Variants in HEG1 observed in about 807,000 individuals in gnomAD.
HEG1 encodes heart development protein with EGF like domains 1, also known as protein HEG homolog 1.
In HEG1, 56 loss-of-function variants were observed where a neutral mutation model predicts 125.6. That is an observed-to-expected ratio of 0.45 (90% confidence interval 0.36 to 0.56). HEG1 has a LOEUF of 0.56. HEG1 is among the 20% of genes least tolerant of loss of function. HEG1 has a pLI of 0.00. For missense variants in HEG1, 1,523 were observed against 1,670.0 expected (o/e 0.91, Z 1.53); for synonymous variants, 644 against 668.5 (o/e 0.96, Z 0.57).
At chr3:124,997,917 G>T in intron 11 of HEG1, 94 bp from the exon 12 acceptor site, 1 of 1,337,954 alleles carries the variant, frequency 7.5e-7, no homozygotes. Flanking sequence ...GTGTCTGCAT[G>T]AACTCTCTAT....
chr3:125,001,422 G>A (rs900869619), intron 11 of HEG1, among the ~76,000 whole-genome samples: 3 of 152,104 alleles, frequency 2.0e-5, no homozygotes, highest in Admixed American at 6.5e-5. Flanking sequence ...GGGATTACAG[G>A]TGTGAGCCAC....
chr3:125,029,127 T>G, intron 2 of HEG1, 68 bp downstream of exon 2: 1 of 1,500,452 alleles, frequency 6.7e-7, no homozygotes, highest in Non-Finnish European at 9.0e-7. Flanking sequence ...TTGTGGGGAA[T>G]GGCAGAAACT....
intron 8 of HEG1, among the ~76,000 whole-genome samples, chr3:125,007,198 CAA>C (rs1212172102): frequency 1.1e-4 from 6 of 54,706 alleles, no homozygotes; most frequent in Admixed American, 2.0e-4. Flanking sequence ...GACTCCGTCT[CAA>C]AAAAAAAAAA....
intron 12 of HEG1, among the ~76,000 whole-genome samples, chr3:124,995,303 A>G (rs1177018508): frequency 2.0e-5 from 3 of 152,082 alleles, no homozygotes; most frequent in Admixed American, 2.0e-4. Flanking sequence ...TGTCTCTAAA[A>G]AGAAAAAAAA....
chr3:125,055,543 G>A, intron 1 of HEG1, 32 bp downstream of exon 1: 1 of 1,187,096 alleles, frequency 8.4e-7, no homozygotes, highest in Admixed American at 4.5e-5. Context: ...AGCACAGACT[G>A]GCCAGGCGCC....
chr3:125,043,753 C>T (rs761602223), intron 1 of HEG1, among the ~76,000 whole-genome samples: 27 of 152,090 alleles, frequency 1.8e-4, no homozygotes, highest in African/African-American at 4.3e-4. Context: ...GTGTTGTCAC[C>T]GTCACATTTG....
At chr3:125,027,969 C>T (rs989353588) in intron 2 of HEG1, among the ~76,000 whole-genome samples, 11 of 152,196 alleles carry the variant, frequency 7.2e-5, no homozygotes, top group South Asian at 4.1e-4. Flanking sequence ...TTTACAGAAT[C>T]GAGTCCCTCC....
chr3:125,030,241 G>A (rs1224172888), intron 1 of HEG1, among the ~76,000 whole-genome samples: 3 of 152,236 alleles, frequency 2.0e-5, no homozygotes, highest in East Asian at 1.9e-4. Flanking sequence ...TACTCTTGCA[G>A]GTGGGAGCTG....
chr3:125,001,169 T>C (rs762164083), intron 11 of HEG1, among the ~76,000 whole-genome samples: 1 of 152,064 alleles, frequency 6.6e-6, no homozygotes, highest in Non-Finnish European at 1.5e-5. Context: ...ATTCTTCTGG[T>C]TTTGTTTCTG....
rs1182827351 is a variant in HEG1 at position 124,967,574 on chromosome 3, T to G, written c.*3078A>C. The G allele has an allele frequency of 1.3e-5, 2 of 151,950 alleles. No homozygotes were observed. The highest frequency in any genetic ancestry group is 2.9e-5 in the Non-Finnish European group (2 of 67,996). 9.4% of individuals were successfully genotyped at this position (151,950 alleles called of 1,614,324 possible). A position where few individuals can be genotyped will look rare whatever the true frequency, so the allele number is the denominator to read the frequency against. On this transcript the variant is annotated 3_prime_UTR_variant, in exon 17 of 17. Transcript: ENST00000311127. ...AAAGCCCTTTCTCTCTTGCCCTCTT[T>G]GATATTTAAGGTATACAGGATGGTG...
chr3:125,008,906 C>A (rs750963142), intron 8 of HEG1, among the ~76,000 whole-genome samples: 5 of 152,258 alleles, frequency 3.3e-5, no homozygotes, highest in Non-Finnish European at 7.3e-5. Flanking sequence ...GGGTCACACC[C>A]TGCAAGCAAG....
Position 125,013,278 on chromosome 3 carries a change from C to T in HEG1, c.2301G>A (p.Met767Ile). 1 of 1,613,950 alleles carries T rather than the reference C, an allele frequency of 6.2e-7. No individual in the cohort carries two copies. ...CAGTTTGACTACTATGGAGCATTGT[C>T]ATGAATGATGTCATTGTTGATGTCT... ...SFQTSTMTSF[M>I]TMLHSSQTAD... is the part of the protein sequence containing the mutation. The change falls in exon 6 of 17, where the codon ATG becomes ATA. Residue 767 changes from methionine to isoleucine, a missense_variant. By Grantham distance (10) the Met-to-Ile change is conservative (BLOSUM62 1). Transcript: ENST00000311127.
chr3:125,015,857 C>A (rs921104526), intron 5 of HEG1, among the ~76,000 whole-genome samples: 7 of 152,134 alleles, frequency 4.6e-5, no homozygotes, highest in Non-Finnish European at 8.8e-5. Context: ...CCAGCCCAGA[C>A]TGGCTGTCAG....
chr3:124,988,264 T>C (rs528998374), intron 14 of HEG1, among the ~76,000 whole-genome samples: 1 of 152,078 alleles, frequency 6.6e-6, no homozygotes, highest in South Asian at 2.1e-4. Context: ...ATAAAGACCC[T>C]GAGCCCAGCT....
chr3:125,050,917 G>T (rs1937791870), intron 1 of HEG1, among the ~76,000 whole-genome samples: 1 of 152,236 alleles, frequency 6.6e-6, no homozygotes, highest in South Asian at 2.1e-4. Flanking sequence ...GTAGAAGAGA[G>T]CATAGATGTT....
chr3:125,029,014 G>T (rs953811997), intron 2 of HEG1, among the ~76,000 whole-genome samples, 181 bp downstream of exon 2: 3 of 152,212 alleles, frequency 2.0e-5, no homozygotes, highest in African/African-American at 7.2e-5. Context: ...CTGCACCCTT[G>T]TCTGGTCTGT....
rs754442881 is a variant in HEG1 at position 125,013,128 on chromosome 3, T to G, written c.2451A>C (p.Pro817=). 4.3e-6 allele frequency: 7 copies of G among 1,613,990 alleles called. No individual in the cohort carries two copies. In the Admixed American group the frequency reaches 6.7e-5, roughly 15 times the overall value. ...KAVTTNSPLP[P]SLTESSTEQT... is the part of the protein sequence containing the mutation. The stretch of plus-strand genomic sequence containing the variant: ...GCTCTGTGGAGGACTCTGTTAAGGA[T>G]GGAGGCAAAGGAGAGTTTGTTGTTA... Residue 817 remains proline (P), a synonymous_variant, in exon 6 of 17, where the codon CCA becomes CCC. Transcript: ENST00000311127.
chr3:124,978,408 A>C (rs1429454662), intron 14 of HEG1, among the ~76,000 whole-genome samples: 1 of 152,050 alleles, frequency 6.6e-6, no homozygotes, highest in Non-Finnish European at 1.5e-5. Flanking sequence ...CGGCCTCCCA[A>C]AGTTCTGGGA....
In HEG1 at chr3:125,021,018, C is replaced by T. The variant is rs377183884; in HGVS notation, c.1026G>A (p.Thr342=). The T allele has an allele frequency of 6.6e-5, 107 of 1,613,476 alleles. No individual in the cohort carries two copies. Among genetic ancestry groups the T allele is most frequent in the Non-Finnish European group, 8.2e-5 (97 of 1,179,728 alleles). ...ATVFTDGGPR[T]LRSLTVSLGP... ...CCAGACTGACCGTCAAAGATCGCAGCGTTCTCGGGCCACCATCAGTGAACA... is the reference window on the plus strand; with the variant it reads ...CCAGACTGACCGTCAAAGATCGCAGTGTTCTCGGGCCACCATCAGTGAACA... The change falls in exon 4 of 17, where the codon ACG becomes ACA. Residue 342 remains threonine (T), a synonymous_variant. Coordinates refer to ENST00000311127, the MANE Select transcript of HEG1 (RefSeq NM_020733.2).
Sources: gnomAD v4.1 joint callset for allele counts (sites outside exome capture counted in the v4.1 genomes callset) on GRCh38, gnomAD v4.1.1 for gene constraint, MANE v1.5 for transcripts, NCBI Gene and HGNC (gene_info 2026-07-23, HGNC 2026-07-21) for gene names.